The following FTCDNL1 variants were observed in gnomAD, a reference collection of about 807,000 sequenced individuals.
The protein encoded by FTCDNL1 is formiminotransferase cyclodeaminase N-terminal like.
In FTCDNL1, 11 loss-of-function variants were observed where a neutral mutation model predicts 5.9. The observed-to-expected ratio is 1.87, with a 90% CI of 1.18 to 3.10. The LOEUF (loss-of-function observed/expected upper bound fraction) is 3.10, where lower values mean the gene tolerates loss of function less well. FTCDNL1 is among the 30% of genes most tolerant of loss of function. The pLI is 0.00. For synonymous variants in FTCDNL1, 58 were observed against 24.8 expected (o/e 2.34, Z -3.99); for missense variants, 115 against 65.5 (o/e 1.76, Z -2.61).
chr2:199,667,524 T>C, the FTCDNL1 span, among the ~76,000 whole-genome samples: 1 of 152,040 alleles, frequency 6.6e-6, no homozygotes, highest in Non-Finnish European at 1.5e-5. Flanking sequence ...TAGCTGGGTG[T>C]GGTGGCATGC....
the FTCDNL1 span, among the ~76,000 whole-genome samples, chr2:199,742,229 A>T: frequency 6.6e-6 from 1 of 151,628 alleles, no homozygotes; most frequent in Non-Finnish European, 1.5e-5. Flanking sequence ...AGACTCCCCC[A>T]CTACCCCCAA....
In FTCDNL1 at chr2:199,814,773, G is replaced by A. The variant is rs951332289; in HGVS notation, c.398-2049C>T. ...TTTTTAAAAATAGGCTCCCTAAAACGAGACTCATTCTAAAACTAGAAATTA... is the reference window on the plus strand; with the variant it reads ...TTTTTAAAAATAGGCTCCCTAAAACAAGACTCATTCTAAAACTAGAAATTA... On this transcript the variant is annotated intron_variant, in intron 4 of 4. Transcript: ENST00000420128. Among the ~76,000 whole-genome samples the A allele has an allele frequency of 3.9e-5, 6 of 152,128 alleles. No individual in the cohort carries two copies. In the South Asian group the frequency reaches 6.2e-4, roughly 16 times the overall value.
the FTCDNL1 span, among the ~76,000 whole-genome samples, chr2:199,680,095 T>C: frequency 6.6e-6 from 1 of 152,104 alleles, no homozygotes; most frequent in South Asian, 2.1e-4. Flanking sequence ...GCCAGAACAA[T>C]AGATGGACCA....
chr2:199,697,303 T>C, the FTCDNL1 span, among the ~76,000 whole-genome samples: 1 of 151,854 alleles, frequency 6.6e-6, no homozygotes, highest in Non-Finnish European at 1.5e-5. Flanking sequence ...AGATGCTATA[T>C]GACTATCCCC....
intron 3 of FTCDNL1, among the ~76,000 whole-genome samples, chr2:199,774,715 C>T (rs1366095536): frequency 6.6e-6 from 1 of 152,166 alleles, no homozygotes; most frequent in Non-Finnish European, 1.5e-5. Context: ...CTTCAACCTT[C>T]TATGGAGCTT....
chr2:199,703,438 T>C, the FTCDNL1 span, among the ~76,000 whole-genome samples: 1 of 152,204 alleles, frequency 6.6e-6, no homozygotes, highest in African/African-American at 2.4e-5. Context: ...GTGATAATTT[T>C]GTTATATTGA....
At chr2:199,746,870 G>A in the FTCDNL1 span, among the ~76,000 whole-genome samples, 3 of 152,064 alleles carry the variant, frequency 2.0e-5, no homozygotes, top group Non-Finnish European at 4.4e-5. Flanking sequence ...TCTGCCAAAC[G>A]ATGATCCTTC....
At chr2:199,692,777 TA>T in the FTCDNL1 span, among the ~76,000 whole-genome samples, 3,484 of 152,312 alleles carry the variant, frequency 0.023, 140 homozygotes, top group African/African-American at 0.078. Flanking sequence ...ATGTACCTCA[TA>T]AATGCAGAGC....
At chr2:199,730,991 C>T in the FTCDNL1 span, among the ~76,000 whole-genome samples, 1 of 152,044 alleles carries the variant, frequency 6.6e-6, no homozygotes, top group East Asian at 1.9e-4. Context: ...GGCACATATA[C>T]ACCATGGAAT....
the FTCDNL1 span, among the ~76,000 whole-genome samples, chr2:199,704,711 A>C: frequency 6.6e-6 from 1 of 152,124 alleles, no homozygotes; most frequent in Non-Finnish European, 1.5e-5. Flanking sequence ...AAAAGAATGC[A>C]CAACTCTTCC....
chr2:199,728,251 C>CTTT, the FTCDNL1 span, among the ~76,000 whole-genome samples: 1 of 145,622 alleles, frequency 6.9e-6, no homozygotes, highest in Admixed American at 6.9e-5. Context: ...TCCATGGTAA[C>CTTT]TTTTTTTTTT....
At chr2:199,669,982 T>C in the FTCDNL1 span, among the ~76,000 whole-genome samples, 1 of 152,338 alleles carries the variant, frequency 6.6e-6, no homozygotes, top group Non-Finnish European at 1.5e-5. Context: ...AGTTTTGAGA[T>C]TGATGTAGTG....
At chr2:199,776,912 G>GTATA (rs2106311111) in intron 3 of FTCDNL1, among the ~76,000 whole-genome samples, 1 of 112,734 alleles carries the variant, frequency 8.9e-6, no homozygotes, top group South Asian at 3.2e-4. Context: ...TAATATATGT[G>GTATA]TATGTATATA....
the FTCDNL1 span, among the ~76,000 whole-genome samples, chr2:199,708,867 T>C: frequency 1.3e-5 from 2 of 152,156 alleles, no homozygotes; most frequent in African/African-American, 4.8e-5. Flanking sequence ...AGTACATTTC[T>C]GGAGCTCTTT....
intron 3 of FTCDNL1, among the ~76,000 whole-genome samples, chr2:199,764,492 T>A (rs1412722530): frequency 2.0e-5 from 3 of 152,216 alleles, no homozygotes; most frequent in Non-Finnish European, 4.4e-5. Context: ...ATATTCGTGA[T>A]TCAGCTCCCC....
the FTCDNL1 span, among the ~76,000 whole-genome samples, chr2:199,698,426 G>A: frequency 3.9e-5 from 6 of 152,038 alleles, no homozygotes; most frequent in East Asian, 7.7e-4. Flanking sequence ...GAAATCATAC[G>A]AAGTACACTC....
chr2:199,699,095 T>C, the FTCDNL1 span, among the ~76,000 whole-genome samples: 1 of 152,112 alleles, frequency 6.6e-6, no homozygotes, highest in Non-Finnish European at 1.5e-5. Flanking sequence ...AACAAACCAA[T>C]AACAAGTTCC....
At chr2:199,684,208 T>C in the FTCDNL1 span, among the ~76,000 whole-genome samples, 2 of 152,226 alleles carry the variant, frequency 1.3e-5, no homozygotes, top group Non-Finnish European at 2.9e-5. Context: ...AATTACTTAA[T>C]TATTGTACTG....
chr2:199,845,513 G>A (rs1048243510), intron 3 of FTCDNL1, among the ~76,000 whole-genome samples: 1 of 152,108 alleles, frequency 6.6e-6, no homozygotes, highest in Non-Finnish European at 1.5e-5. Flanking sequence ...AGAGGTTGCA[G>A]TGAGTCGAGA....
Sources: allele counts gnomAD v4.1 joint callset (sites outside exome capture counted in the v4.1 genomes callset), GRCh38; gene constraint gnomAD v4.1.1; transcripts MANE v1.5; gene names NCBI Gene and HGNC (gene_info 2026-07-23, HGNC 2026-07-21).